ACER3: variants seen among roughly 807,000 people sequenced by gnomAD.
The protein encoded by ACER3 is alkaline ceramidase 3, also known as alkCDase 3.
A neutral mutation model predicts 48.9 loss-of-function variants in ACER3; 16 were observed. The observed-to-expected ratio is 0.33, with a 90% confidence interval of 0.22 to 0.50. The LOEUF (loss-of-function observed/expected upper bound fraction) is 0.50. Ranked by LOEUF, ACER3 falls within the 20% of genes least tolerant of loss-of-function variation. ACER3 has a pLI of 0.98. For synonymous variants in ACER3, 109 were observed against 107.8 expected, an observed-to-expected ratio of 1.01 and a Z score of -0.07; for missense variants, 227 against 326.0, an observed-to-expected ratio of 0.70 and a Z score of 2.34.
At chr11:77,002,307 T>A (rs983134754) in intron 7 of ACER3, among the ~76,000 whole-genome samples, 1 of 152,208 alleles carries the variant, frequency 6.6e-6, no homozygotes, top group African/African-American at 2.4e-5. Context: ...TAATTTTCTT[T>A]ATCATGAATG....
intron 9 of ACER3, among the ~76,000 whole-genome samples, chr11:77,019,232 G>A (rs1048765241): frequency 4.6e-5 from 7 of 152,170 alleles, no homozygotes; most frequent in South Asian, 2.1e-4. Flanking sequence ...AGGCCGAGGC[G>A]GGTGGATCAC....
At chr11:76,924,923 C>T (rs1263557392) in intron 1 of ACER3, among the ~76,000 whole-genome samples, 2 of 133,934 alleles carry the variant, frequency 1.5e-5, no homozygotes, top group Non-Finnish European at 3.1e-5. Context: ...TTGCAGTGAG[C>T]TGAGATCACG....
intron 5 of ACER3, among the ~76,000 whole-genome samples, chr11:76,988,229 C>G (rs2135214013): frequency 6.6e-6 from 1 of 152,214 alleles, no homozygotes; most frequent in South Asian, 2.1e-4. Flanking sequence ...GAGGCAAAAG[C>G]CAGATTTCAG....
At chr11:76,919,255 G>C (rs1946622422) in intron 1 of ACER3, among the ~76,000 whole-genome samples, 3 of 152,168 alleles carry the variant, frequency 2.0e-5, no homozygotes, top group South Asian at 2.1e-4. Flanking sequence ...AAACCGTTTA[G>C]ATTGTGGAGC....
Position 76,976,309 on chromosome 11 carries a change from G to T in ACER3, c.288G>T (p.Met96Ile), listed in dbSNP as rs201974871. The change falls in exon 4 of 11, where the codon ATG (methionine) becomes ATT (isoleucine). Residue 96 changes from methionine (M) to isoleucine (I), a missense_variant. This residue lies in a region of ACER3 where 195 missense variants were observed against 290.8 expected (regional missense o/e 0.67). Transcript: ENST00000532485. ...TACAGCTATTGGATGAACTCCCAAT[G>T]ATATACAGCTGTTGCATATTTGTGT... Reference protein sequence around the residue: ...YEMQLLDELPMIYSCCIFVYC... With the variant: ...YEMQLLDELPIIYSCCIFVYC... The T allele has an allele frequency of 6.2e-7, 1 of 1,605,628 alleles. No homozygotes were observed. Among genetic ancestry groups the T allele is most frequent in the Admixed American group, 1.7e-5 (1 of 59,296 alleles).
At chr11:76,965,202 G>A (rs1477852080) in intron 3 of ACER3, among the ~76,000 whole-genome samples, 1 of 151,364 alleles carries the variant, frequency 6.6e-6, no homozygotes, top group Non-Finnish European at 1.5e-5. Flanking sequence ...CTGGAAGAAA[G>A]GCTATCAGTG....
intron 2 of ACER3, among the ~76,000 whole-genome samples, chr11:76,958,208 C>G (rs922640400): frequency 8.0e-6 from 1 of 124,780 alleles, no homozygotes; most frequent in Admixed American, 9.3e-5. Context: ...TTTTTTGAGA[C>G]AGAGTTTTGC....
intron 1 of ACER3, among the ~76,000 whole-genome samples, chr11:76,866,079 G>C (rs1473265901): frequency 6.6e-6 from 1 of 151,468 alleles, no homozygotes; most frequent in Non-Finnish European, 1.5e-5. Flanking sequence ...GCCCACCTCA[G>C]CCTCCCAAAG....
intron 9 of ACER3, among the ~76,000 whole-genome samples, chr11:77,018,484 C>T (rs1321573723): frequency 6.6e-6 from 1 of 152,228 alleles, no homozygotes; most frequent in Admixed American, 6.5e-5. Context: ...TTACACATCT[C>T]TCACTTTAAA....
chr11:76,935,762 G>C (rs1034506602), intron 2 of ACER3, among the ~76,000 whole-genome samples: 1 of 152,184 alleles, frequency 6.6e-6, no homozygotes, highest in Non-Finnish European at 1.5e-5. Flanking sequence ...GTAGCTGCTA[G>C]TCATATGTTG....
intron 5 of ACER3, among the ~76,000 whole-genome samples, chr11:76,987,765 C>G (rs1047628136): frequency 6.6e-6 from 1 of 152,128 alleles, no homozygotes; most frequent in African/African-American, 2.4e-5. Flanking sequence ...AGTGAGACCT[C>G]GTCTCTACAA....
At chr11:76,969,128 G>A (rs1473748098) in intron 3 of ACER3, among the ~76,000 whole-genome samples, 1 of 152,138 alleles carries the variant, frequency 6.6e-6, no homozygotes, top group Non-Finnish European at 1.5e-5. Flanking sequence ...CAAAAAGTGG[G>A]CAAAGGATAT....
intron 4 of ACER3, among the ~76,000 whole-genome samples, chr11:76,979,674 A>G (rs188651204): frequency 6.6e-6 from 1 of 152,026 alleles, no homozygotes; most frequent in Admixed American, 6.5e-5. Context: ...AAGATATAGA[A>G]CGGGGATCAG....
At chr11:77,020,250 T>C in intron 10 of ACER3, 24 bp from the exon 11 acceptor site, 1 of 1,611,638 alleles carries the variant, frequency 6.2e-7, no homozygotes, top group Non-Finnish European at 8.5e-7. Context: ...TTTTCTCATT[T>C]TGTCCTAATT....
chr11:77,007,348 T>C (rs1467738848), intron 7 of ACER3, among the ~76,000 whole-genome samples: 1 of 152,222 alleles, frequency 6.6e-6, no homozygotes, highest in Non-Finnish European at 1.5e-5. Context: ...TCTTTTGTTA[T>C]AGTCCCACAG....
chr11:76,920,580 T>C (rs993645848), intron 1 of ACER3, among the ~76,000 whole-genome samples: 7 of 152,114 alleles, frequency 4.6e-5, no homozygotes, highest in African/African-American at 1.7e-4. Context: ...TCTTATAAGT[T>C]AATAATTCTC....
intron 7 of ACER3, among the ~76,000 whole-genome samples, chr11:77,004,918 A>C (rs1555020548): frequency 6.6e-6 from 1 of 152,012 alleles, no homozygotes; most frequent in African/African-American, 2.4e-5. Flanking sequence ...CATTTATATG[A>C]ATACAATTAT....
intron 3 of ACER3, among the ~76,000 whole-genome samples, chr11:76,974,689 A>G (rs1948393290): frequency 6.6e-6 from 1 of 152,202 alleles, no homozygotes; most frequent in Non-Finnish European, 1.5e-5. Context: ...TAGGAAAGAA[A>G]CGTGAAGAAC....
At chr11:76,975,087 A>G (rs1948407837) in intron 3 of ACER3, among the ~76,000 whole-genome samples, 1 of 152,176 alleles carries the variant, frequency 6.6e-6, no homozygotes, top group South Asian at 2.1e-4. Context: ...CTCTCTTCCT[A>G]CTTCCTAGAA....
Sources: allele counts gnomAD v4.1 joint callset (sites outside exome capture counted in the v4.1 genomes callset), GRCh38; gene constraint gnomAD v4.1.1; regional missense constraint gnomAD v4.1.1; transcripts MANE v1.5; gene names NCBI Gene and HGNC (gene_info 2026-07-23, HGNC 2026-07-21).